The following CSMD1 variants were observed in gnomAD, a reference collection of about 807,000 sequenced individuals.
CSMD1 encodes the protein CUB and sushi domain-containing protein 1.
CSMD1 carries 213 observed loss-of-function variants against 417.5 expected under a neutral mutation model. The ratio of observed to expected loss-of-function variants is 0.51; its 90% CI spans 0.46 to 0.57. CSMD1 has a LOEUF of 0.57. Ranked by LOEUF, CSMD1 falls within the 20% of genes least tolerant of loss-of-function variation. The pLI, the probability that CSMD1 is intolerant of heterozygous loss-of-function variation, is 0.00. For missense variants in CSMD1, 6,923 were observed against 4,529.7 expected, an observed-to-expected ratio of 1.53 and a Z score of -15.17; for synonymous variants, 2,862 against 1,736.8, an observed-to-expected ratio of 1.65 and a Z score of -16.11.
chr8:4,954,395 G>T (rs1161520146), intron 1 of CSMD1, among the ~76,000 whole-genome samples: 1 of 152,084 alleles, frequency 6.6e-6, no homozygotes, highest in Non-Finnish European at 1.5e-5. Flanking sequence ...TTTTCTGATT[G>T]AAGCTGTTTC....
intron 2 of CSMD1, among the ~76,000 whole-genome samples, chr8:4,448,147 T>A (rs529277304): frequency 2.6e-5 from 4 of 152,320 alleles, no homozygotes; most frequent in Admixed American, 2.6e-4. Context: ...TGTGTATCGC[T>A]CGTATCACCT....
intron 5 of CSMD1, among the ~76,000 whole-genome samples, chr8:3,846,828 C>G (rs1373125605): frequency 6.6e-6 from 1 of 152,052 alleles, no homozygotes; most frequent in Non-Finnish European, 1.5e-5. Context: ...TGCCTGCCAC[C>G]ACGTCTGGCT....
intron 4 of CSMD1, among the ~76,000 whole-genome samples, chr8:4,029,151 G>A (rs373988237): frequency 5.3e-5 from 8 of 152,272 alleles, no homozygotes; most frequent in South Asian, 2.1e-4. Flanking sequence ...AGGCAACAGG[G>A]CTAGAAGGAC....
intron 42 of CSMD1, among the ~76,000 whole-genome samples, chr8:3,116,825 T>A (rs1816902185): frequency 6.6e-6 from 1 of 152,044 alleles, no homozygotes; most frequent in Non-Finnish European, 1.5e-5. Context: ...AACTTGCAAA[T>A]AAGAAGAGGT....
chr8:3,213,857 CAT>C (rs34087160), intron 30 of CSMD1, among the ~76,000 whole-genome samples: 15,446 of 145,894 alleles, frequency 0.11, 1,969 homozygotes, highest in African/African-American at 0.3. Context: ...TATACATACA[CAT>C]ATATATATAT....
At chr8:4,843,445 C>T (rs1316345798) in intron 1 of CSMD1, among the ~76,000 whole-genome samples, 1 of 152,030 alleles carries the variant, frequency 6.6e-6, no homozygotes, top group Non-Finnish European at 1.5e-5. Flanking sequence ...ACAACAACAA[C>T]AACAACAACA....
chr8:3,368,575 G>A lies in CSMD1; in HGVS notation c.2899+679C>T, dbSNP rs77998251. 7.3e-3 allele frequency among the ~76,000 whole-genome samples: 1,104 copies of A among 152,224 alleles called. 61 individuals carry two copies. The East Asian group carries it at 0.14, about 20-fold the overall frequency. On this transcript the variant is annotated intron_variant, in intron 19 of 69. Coordinates refer to ENST00000635120, the MANE Select transcript of CSMD1 (RefSeq NM_033225.6). Reference sequence around the variant, plus strand: ...TCTGGTCTGGAACTCCTGACCTCAGGTGATACACCTGTCTTGGCCTCCCGA... The same window carrying A: ...TCTGGTCTGGAACTCCTGACCTCAGATGATACACCTGTCTTGGCCTCCCGA...
intron 2 of CSMD1, among the ~76,000 whole-genome samples, chr8:4,461,710 C>T (rs1014190606): frequency 6.7e-6 from 1 of 149,996 alleles, no homozygotes; most frequent in Non-Finnish European, 1.5e-5. Context: ...ACCACCATAG[C>T]CAGCTCATCT....
intron 2 of CSMD1, among the ~76,000 whole-genome samples, chr8:4,537,263 G>C (rs1340485761): frequency 6.6e-6 from 1 of 152,054 alleles, no homozygotes; most frequent in African/African-American, 2.4e-5. Flanking sequence ...GGTATTTTTA[G>C]AAATAAATTA....
intron 42 of CSMD1, among the ~76,000 whole-genome samples, chr8:3,116,552 G>C (rs7016346): frequency 0.38 from 57,858 of 152,038 alleles, 15,963 homozygotes; most frequent in African/African-American, 0.78. Flanking sequence ...TTAAATTCAT[G>C]CAGAGTTTAG....
intron 20 of CSMD1, among the ~76,000 whole-genome samples, chr8:3,359,587 G>C (rs201209473): frequency 2.0e-5 from 3 of 151,128 alleles, no homozygotes; most frequent in Non-Finnish European, 4.4e-5. Context: ...AATTACTAGA[G>C]GCTGGGAAGG....
chr8:3,114,393 G>A (rs1479762799), intron 42 of CSMD1, among the ~76,000 whole-genome samples: 1 of 150,744 alleles, frequency 6.6e-6, no homozygotes, highest in African/African-American at 2.4e-5. Flanking sequence ...ATATTAAAAA[G>A]CTAATAAATA....
At chr8:3,240,772 G>A (rs950824786) in intron 26 of CSMD1, among the ~76,000 whole-genome samples, 1 of 152,136 alleles carries the variant, frequency 6.6e-6, no homozygotes, top group Admixed American at 6.5e-5. Flanking sequence ...TGGCACCACT[G>A]GGTGGATAGG....
At chr8:4,000,952 A>C (rs1815624778) in intron 4 of CSMD1, among the ~76,000 whole-genome samples, 1 of 152,102 alleles carries the variant, frequency 6.6e-6, no homozygotes, top group African/African-American at 2.4e-5. Flanking sequence ...GATTAATGAC[A>C]TATTAATTGA....
intron 6 of CSMD1, among the ~76,000 whole-genome samples, chr8:3,726,537 G>A (rs778145953): frequency 5.3e-5 from 8 of 152,174 alleles, no homozygotes; most frequent in Admixed American, 1.3e-4. Context: ...TGCATAGTTT[G>A]GGTCCAGTGT....
At chr8:4,513,714 C>T (rs1202871998) in intron 2 of CSMD1, among the ~76,000 whole-genome samples, 2 of 152,174 alleles carry the variant, frequency 1.3e-5, no homozygotes, top group Admixed American at 6.6e-5. Flanking sequence ...TTAAAGTCCA[C>T]AGATACACAC....
intron 2 of CSMD1, among the ~76,000 whole-genome samples, chr8:4,464,684 T>C (rs564319290): frequency 7.9e-5 from 12 of 152,228 alleles, no homozygotes; most frequent in African/African-American, 2.9e-4. Flanking sequence ...TCCTGTAATA[T>C]AGCCAAACTC....
At chr8:3,394,002 A>ATAATAAT (rs58338365) in intron 17 of CSMD1, among the ~76,000 whole-genome samples, 1 of 95,302 alleles carries the variant, frequency 1.0e-5, no homozygotes, top group African/African-American at 4.5e-5. Context: ...AATAATAATA[A>ATAATAAT]AAAAATAAAT....
chr8:4,232,448 C>A (rs1585066133), intron 3 of CSMD1, among the ~76,000 whole-genome samples: 1 of 152,164 alleles, frequency 6.6e-6, no homozygotes, highest in Non-Finnish European at 1.5e-5. Flanking sequence ...ATCTGCCCAC[C>A]TCAGATTCCC....
Sources: allele counts gnomAD v4.1 joint callset (sites outside exome capture counted in the v4.1 genomes callset), GRCh38; gene constraint gnomAD v4.1.1; transcripts MANE v1.5; gene names NCBI Gene and HGNC (gene_info 2026-07-23, HGNC 2026-07-21).